ZFHX3: variants seen among roughly 807,000 people sequenced by gnomAD.
ZFHX3 encodes zinc finger homeobox 3.
A neutral mutation model predicts 279.1 loss-of-function variants in ZFHX3; 42 were observed. That is an observed-to-expected ratio of 0.15 (90% confidence interval 0.12 to 0.19). The LOEUF (loss-of-function observed/expected upper bound fraction) is 0.19. Among genes scored for constraint, ZFHX3 ranks in the 10% least tolerant of loss-of-function variants. The pLI is 1.00. For missense variants in ZFHX3, 4,981 were observed against 4,754.0 expected, an observed-to-expected ratio of 1.05 and a Z score of -1.40; for synonymous variants, 2,293 against 1,957.8, an observed-to-expected ratio of 1.17 and a Z score of -4.52.
At chr16:73,454,622 T>G (rs191112215) in intron 3 of ZFHX3, among the ~76,000 whole-genome samples, 1 of 152,150 alleles carries the variant, frequency 6.6e-6, no homozygotes, top group Non-Finnish European at 1.5e-5. Context: ...TCTTTATTTT[T>G]CTATTCACTC....
chr16:73,712,701 C>T (rs934667977), intron 1 of ZFHX3, among the ~76,000 whole-genome samples: 1 of 152,140 alleles, frequency 6.6e-6, no homozygotes, highest in East Asian at 1.9e-4. Flanking sequence ...CAAAAGGAAA[C>T]CAAGTCAGGG....
chr16:73,415,242 G>T (rs570011673), intron 3 of ZFHX3, among the ~76,000 whole-genome samples: 1 of 152,298 alleles, frequency 6.6e-6, no homozygotes, highest in South Asian at 2.1e-4. Flanking sequence ...GTTCTGGGCT[G>T]CAAACCAGAA....
At chr16:73,661,724 A>G (rs1052654395) in intron 2 of ZFHX3, among the ~76,000 whole-genome samples, 3 of 108,264 alleles carry the variant, frequency 2.8e-5, no homozygotes, top group South Asian at 5.8e-4. Flanking sequence ...TCCATCTCAG[A>G]AAAAAAAAAA....
chr16:72,882,941 T>C (rs547832514), intron 4 of ZFHX3, among the ~76,000 whole-genome samples: 33 of 150,724 alleles, frequency 2.2e-4, no homozygotes, highest in African/African-American at 6.6e-4. Context: ...GTTTCTTCTA[T>C]GAGGAGTCAG....
intron 2 of ZFHX3, among the ~76,000 whole-genome samples, chr16:73,671,267 A>G (rs1229759539): frequency 6.6e-6 from 1 of 152,234 alleles, no homozygotes; most frequent in Non-Finnish European, 1.5e-5. Context: ...AGTGATTTGC[A>G]TCCTTGGATG....
intron 1 of ZFHX3, among the ~76,000 whole-genome samples, chr16:72,968,848 G>A (rs1273467849): frequency 2.6e-5 from 4 of 152,156 alleles, no homozygotes; most frequent in South Asian, 4.1e-4. Flanking sequence ...ATTTAGAGGT[G>A]AAGGGGCACA....
At chr16:73,646,618 T>C (rs1235471472) in intron 2 of ZFHX3, among the ~76,000 whole-genome samples, 2 of 152,168 alleles carry the variant, frequency 1.3e-5, no homozygotes, top group Middle Eastern at 3.2e-3. Flanking sequence ...AAGGCACTTA[T>C]CTGTTCATAT....
chr16:72,832,446 GATCAACGAAAGAGGTTATTTCAAGA>G (rs1363340167), intron 4 of ZFHX3, among the ~76,000 whole-genome samples: 1 of 152,016 alleles, frequency 6.6e-6, no homozygotes, highest in Non-Finnish European at 1.5e-5. Context: ...CCGATGAGAG[GATCAACGAAAGAGGTTATTTCAAGA>G]ACTTATTTTG....
chr16:73,493,471 G>A (rs555780568), intron 2 of ZFHX3, among the ~76,000 whole-genome samples: 13 of 152,268 alleles, frequency 8.5e-5, no homozygotes, highest in African/African-American at 3.1e-4. Flanking sequence ...CAAGCTGACT[G>A]GAGGAAGACA....
chr16:73,001,145 C>T (rs964226350), intron 1 of ZFHX3, among the ~76,000 whole-genome samples: 9 of 152,200 alleles, frequency 5.9e-5, no homozygotes, highest in African/African-American at 1.9e-4. Context: ...TCATTTTAGT[C>T]ATCTGCACCC....
At chr16:73,082,105 G>A (rs1965954156) in intron 8 of ZFHX3, among the ~76,000 whole-genome samples, 1 of 151,936 alleles carries the variant, frequency 6.6e-6, no homozygotes, top group Non-Finnish European at 1.5e-5. Context: ...TCAAAGTGCT[G>A]GGATTACAGG....
Position 72,958,201 on chromosome 16 carries a change from G to C in ZFHX3, c.1945C>G (p.Leu649Val). 1.2e-6 allele frequency: 2 copies of C among 1,612,336 alleles called. No individual in the cohort carries two copies. Among genetic ancestry groups the C allele is most frequent in the Non-Finnish European group, 1.7e-6 (2 of 1,178,508 alleles). ...CCGCCCAGCGAGCGGGAGGAGCCCA[G>C]GACCGTGTCGCATTTGGGGCACTCC... Reference protein sequence around the residue: ...GVECPKCDTVLGSSRSLGGHM... With the variant: ...GVECPKCDTVVGSSRSLGGHM... Residue 649 changes from leucine to valine, a missense_variant, in exon 2 of 10, where the codon CTG becomes GTG. Physicochemically the swap from Leu to Val is conservative, Grantham distance 32 (BLOSUM62 1). Transcript: ENST00000268489.
chr16:73,043,007 G>A (rs954862927), intron 1 of ZFHX3, among the ~76,000 whole-genome samples: 4 of 151,964 alleles, frequency 2.6e-5, no homozygotes, highest in African/African-American at 9.7e-5. Flanking sequence ...GCCTTGCAAG[G>A]GAGTTTCAGT....
At position 72,797,507 on chromosome 16, in the gene ZFHX3, T is replaced by C. The variant is rs749498128; in HGVS notation, c.5175A>G (p.Gln1725=). 2.2e-5 allele frequency: 35 copies of C among 1,613,872 alleles called. No homozygotes were observed. The highest frequency in any genetic ancestry group is 1.6e-4 in the South Asian group (15 of 91,052). ...GTTGTTGCTGTTGCTGCTGCTGTTG[T>C]TGCTGCTGCCTGGATGCAATCATAT... ...LADMIASRQQ[Q]QQQQQQQQQQ... The change falls in exon 9 of 10, where the codon CAA becomes CAG. Residue 1725 remains glutamine, a synonymous_variant. Transcript: ENST00000268489.
intron 8 of ZFHX3, among the ~76,000 whole-genome samples, chr16:73,075,086 G>A (rs148365127): frequency 2.0e-4 from 31 of 152,280 alleles, no homozygotes; most frequent in African/African-American, 5.8e-4. Flanking sequence ...GGGATTACAC[G>A]TGTGAGCTAG....
intron 3 of ZFHX3, among the ~76,000 whole-genome samples, chr16:72,892,446 G>A (rs79538261): frequency 0.062 from 9,465 of 151,848 alleles, 532 homozygotes; most frequent in African/African-American, 0.15. Flanking sequence ...ATTACAACTG[G>A]TGATAAAAAG....
intron 4 of ZFHX3, among the ~76,000 whole-genome samples, chr16:73,305,277 G>A (rs1457586651): frequency 6.6e-6 from 1 of 152,188 alleles, no homozygotes; most frequent in East Asian, 1.9e-4. Flanking sequence ...CTCTTACTAG[G>A]TAATGGTGTC....
Position 73,191,168 on chromosome 16 carries a change from C to A in ZFHX3, c.-1103-47337G>T, listed in dbSNP as rs532614845. ...ATTCTGTGGGCTTTCTATGCAACCC[C>A]TCTTAAAAATCTGAAAATGAAACAA... is the stretch of plus-strand genomic sequence containing the variant. On this transcript the variant is annotated intron_variant, in intron 5 of 17. Transcript: ENST00000641206. 1.1e-4 allele frequency among the ~76,000 whole-genome samples: 16 copies of A among 152,174 alleles called. No individual in the cohort carries two copies. In the South Asian group the frequency reaches 3.3e-3, roughly 32 times the overall value.
chr16:73,279,022 T>A (rs1045476332), intron 4 of ZFHX3, among the ~76,000 whole-genome samples: 4 of 152,258 alleles, frequency 2.6e-5, no homozygotes, highest in African/African-American at 9.6e-5. Context: ...CCCATACTTC[T>A]CAGTTAAATG....
Sources: allele counts gnomAD v4.1 joint callset (sites outside exome capture counted in the v4.1 genomes callset), GRCh38; gene constraint gnomAD v4.1.1; transcripts MANE v1.5; gene names NCBI Gene and HGNC (gene_info 2026-07-23, HGNC 2026-07-21).